MEGF10: variants seen among roughly 807,000 people sequenced by gnomAD.
MEGF10 encodes multiple epidermal growth factor-like domains protein 10.
MEGF10 carries 86 observed loss-of-function variants against 147.5 expected under a neutral mutation model. The observed-to-expected ratio is 0.58, with a 90% CI of 0.49 to 0.70. The LOEUF is 0.70. Among genes scored for constraint, MEGF10 ranks in the 30% least tolerant of loss-of-function variants. MEGF10 has a pLI of 0.00. For missense variants in MEGF10, 1,329 were observed against 1,487.3 expected (o/e 0.89, Z 1.75); for synonymous variants, 478 against 525.5 (o/e 0.91, Z 1.24).
chr5:127,441,258 G>C (rs1765748325), intron 18 of MEGF10, among the ~76,000 whole-genome samples: 1 of 152,218 alleles, frequency 6.6e-6, no homozygotes, highest in Non-Finnish European at 1.5e-5. Flanking sequence ...TCGGTGGGGA[G>C]GAGGGCTGGT....
At chr5:127,369,759 T>C in intron 4 of MEGF10, 151 bp from the exon 5 acceptor site, 1 of 555,956 alleles carries the variant, frequency 1.8e-6, no homozygotes, top group Non-Finnish European at 3.2e-6. Flanking sequence ...TACAGCAGAC[T>C]GTAAGAGGGC....
chr5:127,234,783 TG>T, the MEGF10 span, among the ~76,000 whole-genome samples: 3 of 152,170 alleles, frequency 2.0e-5, no homozygotes, highest in Admixed American at 6.5e-5. Context: ...CTTTTCTATG[TG>T]GGCTATCATC....
intron 10 of MEGF10, among the ~76,000 whole-genome samples, chr5:127,418,190 G>A (rs1040315320): frequency 1.3e-5 from 2 of 152,118 alleles, no homozygotes; most frequent in Non-Finnish European, 2.9e-5. Flanking sequence ...AAGACACATC[G>A]AGTTAGCATT....
chr5:127,270,342 C>T, the MEGF10 span, among the ~76,000 whole-genome samples: 3 of 152,276 alleles, frequency 2.0e-5, no homozygotes, highest in East Asian at 1.9e-4. Context: ...AGACCCATCT[C>T]ATGTGCAGAG....
At chr5:127,448,195 A>C (rs1766021387) in intron 21 of MEGF10, among the ~76,000 whole-genome samples, 2 of 152,308 alleles carry the variant, frequency 1.3e-5, no homozygotes, top group Non-Finnish European at 2.9e-5. Context: ...GAACCACATG[A>C]AATTGCTATT....
intron 1 of MEGF10, among the ~76,000 whole-genome samples, chr5:127,324,276 G>A (rs1760911016): frequency 6.6e-6 from 1 of 152,128 alleles, no homozygotes; most frequent in South Asian, 2.1e-4. Flanking sequence ...TTATTGAAGT[G>A]TATCAAATTA....
intron 5 of MEGF10, among the ~76,000 whole-genome samples, chr5:127,381,603 C>G (rs1182745228): frequency 1.3e-5 from 2 of 152,200 alleles, no homozygotes; most frequent in Non-Finnish European, 2.9e-5. Context: ...ATACTGTCCA[C>G]TGTCCATTGG....
In MEGF10 at chr5:127,445,702, A is replaced by C. The variant is rs1402150579; in HGVS notation, c.2728+9A>C. ...AGATTATACCATTTCAGGTAAGAGC[A>C]GAGGCAGGAGAGGCATTTTGCTTCT... On this transcript the variant is annotated intron_variant, in intron 20 of 24. Coordinates refer to ENST00000503335, the MANE Select transcript of MEGF10 (RefSeq NM_001256545.2). 12 of 1,590,872 alleles carry C rather than the reference A, an allele frequency of 7.5e-6. No homozygotes were observed. The highest frequency in any genetic ancestry group is 1.0e-5 in the Non-Finnish European group (12 of 1,159,336).
intron 5 of MEGF10, among the ~76,000 whole-genome samples, chr5:127,389,762 G>C (rs1224394756): frequency 6.6e-6 from 1 of 152,066 alleles, no homozygotes; most frequent in Non-Finnish European, 1.5e-5. Context: ...AGACACTGTG[G>C]CCTATTGGCA....
chr5:127,302,696 G>A (rs1204359493), intron 1 of MEGF10, among the ~76,000 whole-genome samples: 4 of 152,206 alleles, frequency 2.6e-5, no homozygotes, highest in Non-Finnish European at 4.4e-5. Flanking sequence ...CCCTGGTCAC[G>A]TGTGTGCTAT....
At chr5:127,397,018 C>T (rs901986363) in intron 6 of MEGF10, among the ~76,000 whole-genome samples, 2 of 152,176 alleles carry the variant, frequency 1.3e-5, no homozygotes, top group African/African-American at 2.4e-5. Context: ...TGCTTTCCTT[C>T]TAGCAGGCAA....
At chr5:127,262,517 A>G in the MEGF10 span, among the ~76,000 whole-genome samples, 1 of 152,160 alleles carries the variant, frequency 6.6e-6, no homozygotes, top group Admixed American at 6.6e-5. Context: ...TAACTACCAT[A>G]AGCATTAGGC....
intron 4 of MEGF10, among the ~76,000 whole-genome samples, chr5:127,356,135 A>G (rs907248458): frequency 1.3e-5 from 2 of 152,248 alleles, no homozygotes; most frequent in African/African-American, 2.4e-5. Context: ...ACACAGTTTG[A>G]TCTAAGTGAC....
At chr5:127,298,099 G>C (rs1236160720) in intron 1 of MEGF10, among the ~76,000 whole-genome samples, 1 of 152,314 alleles carries the variant, frequency 6.6e-6, no homozygotes, top group Non-Finnish European at 1.5e-5. Context: ...ACTATGGAAA[G>C]AGTTCATATC....
intron 5 of MEGF10, among the ~76,000 whole-genome samples, chr5:127,375,991 G>A (rs561251202): frequency 6.6e-6 from 1 of 152,296 alleles, no homozygotes; most frequent in East Asian, 1.9e-4. Flanking sequence ...TAGCTTGGGA[G>A]AAAAATAAAG....
intron 1 of MEGF10, among the ~76,000 whole-genome samples, chr5:127,307,705 CA>C (rs1167410065): frequency 2.0e-5 from 3 of 152,150 alleles, no homozygotes; most frequent in Non-Finnish European, 4.4e-5. Flanking sequence ...TCTTCCAACC[CA>C]CCATGATAGA....
chr5:127,247,440 G>C, the MEGF10 span, among the ~76,000 whole-genome samples: 7 of 113,284 alleles, frequency 6.2e-5, no homozygotes, highest in South Asian at 2.9e-4. Context: ...AGAAGAAGAA[G>C]AAGAAGAAGA....
chr5:127,367,710 CAG>C (rs1762706237), intron 4 of MEGF10, among the ~76,000 whole-genome samples: 1 of 152,126 alleles, frequency 6.6e-6, no homozygotes, highest in Admixed American at 6.5e-5. Flanking sequence ...AATATTCAAA[CAG>C]AATTTTAGTA....
rs113249233 is a variant in MEGF10 at position 127,331,157 on chromosome 5, G to A, written c.-18-134G>A. 5,141 of 570,128 alleles carry A rather than the reference G, an allele frequency of 9.0e-3. 28 individuals are homozygous for A. The highest frequency in any genetic ancestry group is 0.017 in the Middle Eastern group (42 of 2,486). The allele number at this position is 570,128 out of a possible 1,614,324, so 35.3% of individuals were successfully genotyped here. A position where few individuals can be genotyped will look rare whatever the true frequency, so the allele number is the denominator to read the frequency against. On this transcript the variant is annotated intron_variant, in intron 1 of 24. Transcript: ENST00000503335. ...CTGGACCATGGAATTTGGTGACCTG[G>A]CTATTGAAATACATGGCTTGTTATG...
Sources: gnomAD v4.1 joint callset for allele counts (sites outside exome capture counted in the v4.1 genomes callset) on GRCh38, gnomAD v4.1.1 for gene constraint, MANE v1.5 for transcripts, NCBI Gene and HGNC (gene_info 2026-07-23, HGNC 2026-07-21) for gene names.